The following LARS2 variants were observed in gnomAD, a reference collection of about 807,000 sequenced individuals.
LARS2 encodes leucyl-tRNA synthetase 2, mitochondrial.
In LARS2, 81 loss-of-function variants were observed where a neutral mutation model predicts 116.6. The ratio of observed to expected loss-of-function variants is 0.69; its 90% CI spans 0.58 to 0.84. The LOEUF is 0.84. Ranked by LOEUF, LARS2 falls within the 40% of genes least tolerant of loss-of-function variation. The probability of loss-of-function intolerance (pLI) is 0.00; values close to 1 mark genes in which losing one functional copy is unlikely to be tolerated. For synonymous variants in LARS2, 396 were observed against 407.2 expected (o/e 0.97, Z 0.33); for missense variants, 968 against 1,114.5 (o/e 0.87, Z 1.87).
intron 2 of LARS2, among the ~76,000 whole-genome samples, chr3:45,394,025 A>G (rs1698003002): frequency 6.6e-6 from 1 of 152,202 alleles, no homozygotes; most frequent in Non-Finnish European, 1.5e-5. Context: ...CTGATATTTG[A>G]GCCTAACGCC....
intron 20 of LARS2, among the ~76,000 whole-genome samples, chr3:45,539,403 G>C (rs1700757092): frequency 6.6e-6 from 1 of 152,198 alleles, no homozygotes; most frequent in Admixed American, 6.5e-5. Flanking sequence ...GGCTGAGGCA[G>C]GCGGATCGCT....
At chr3:45,491,460 A>G in intron 12 of LARS2, 57 bp from the exon 13 acceptor site, 1 of 1,566,098 alleles carries the variant, frequency 6.4e-7, no homozygotes, top group South Asian at 1.2e-5. Context: ...TGGCAGCATC[A>G]GGGTGGTGAC....
At chr3:45,421,241 T>G (rs1160308278) in intron 6 of LARS2, 2 of 152,210 alleles carry the variant, frequency 1.3e-5, no homozygotes, top group Non-Finnish European at 2.9e-5. Flanking sequence ...TCATAATTTA[T>G]TTCACTGTAA....
intron 9 of LARS2, among the ~76,000 whole-genome samples, chr3:45,475,378 A>G (rs1471297675): frequency 6.6e-6 from 1 of 152,224 alleles, no homozygotes; most frequent in Non-Finnish European, 1.5e-5. Context: ...GAAACATTTC[A>G]ATACAAATCC....
chr3:45,529,295 G>A (rs1211936878), intron 20 of LARS2, among the ~76,000 whole-genome samples: 2 of 152,040 alleles, frequency 1.3e-5, no homozygotes, highest in Admixed American at 6.5e-5. Flanking sequence ...CGCCGGGCAC[G>A]GTAGCTCACA....
At position 45,449,256 on chromosome 3, in the gene LARS2, G is replaced by A. The variant is rs537192528; in HGVS notation, c.606+2276G>A. ...CAGCTCACTGCAACCTCCGCCTCCC[G>A]GGTTCAAGCAATTCTCCTACCTCAG... On this transcript the variant is annotated intron_variant, in intron 7 of 21. Coordinates refer to ENST00000645846, the MANE Select transcript of LARS2 (RefSeq NM_015340.4). Among the ~76,000 whole-genome samples, 35 of 148,542 alleles carry A rather than the reference G, an allele frequency of 2.4e-4. 1 individual carries two copies. Among genetic ancestry groups the A allele is most frequent in the African/African-American group, 7.4e-4 (30 of 40,286 alleles).
At chr3:45,390,287 C>T (rs1045232927) in intron 1 of LARS2, among the ~76,000 whole-genome samples, 3 of 151,822 alleles carry the variant, frequency 2.0e-5, no homozygotes, top group Non-Finnish European at 2.9e-5. Context: ...TTGCTGTTTT[C>T]CTTTGCCCAT....
chr3:45,432,217 CTT>C (rs1698728953), intron 6 of LARS2, among the ~76,000 whole-genome samples: 1 of 152,070 alleles, frequency 6.6e-6, no homozygotes, highest in South Asian at 2.1e-4. Context: ...TAGTTGGAGA[CTT>C]TTGTACCCCA....
intron 6 of LARS2, among the ~76,000 whole-genome samples, chr3:45,427,562 G>A (rs773500695): frequency 3.3e-5 from 5 of 152,164 alleles, no homozygotes; most frequent in Non-Finnish European, 7.4e-5. Context: ...GTAATGTTTT[G>A]CAAATACAAG....
At chr3:45,500,863 T>C (rs1372689515) in intron 15 of LARS2, among the ~76,000 whole-genome samples, 1 of 152,068 alleles carries the variant, frequency 6.6e-6, no homozygotes, top group Admixed American at 6.5e-5. Context: ...GAGTGGCCCA[T>C]AGTGTTTTAT....
intron 19 of LARS2, among the ~76,000 whole-genome samples, chr3:45,523,781 G>A (rs564196694): frequency 6.6e-6 from 1 of 151,714 alleles, no homozygotes; most frequent in Non-Finnish European, 1.5e-5. Flanking sequence ...CCAAAGTAGT[G>A]GGAGTATAAG....
At chr3:45,500,366 A>G (rs1700098120) in intron 14 of LARS2, 76 bp from the exon 15 acceptor site, 2 of 1,380,994 alleles carry the variant, frequency 1.4e-6, no homozygotes, top group Non-Finnish European at 1.0e-6. Context: ...GCATATGCAT[A>G]TTACAATAGG....
At chr3:45,514,208 A>G (rs34058819) in intron 16 of LARS2, among the ~76,000 whole-genome samples, 40,453 of 151,688 alleles carry the variant, frequency 0.27, 5,723 homozygotes, top group Middle Eastern at 0.4. Flanking sequence ...TCTGTCTCAA[A>G]AAAAAAAAAG....
At chr3:45,435,947 C>G (rs1050097036) in intron 6 of LARS2, among the ~76,000 whole-genome samples, 4 of 147,226 alleles carry the variant, frequency 2.7e-5, no homozygotes, top group Non-Finnish European at 6.1e-5. Context: ...TCCCTCACCT[C>G]TGGTGAGATT....
intron 15 of LARS2, among the ~76,000 whole-genome samples, chr3:45,509,717 A>G (rs1270933573): frequency 6.6e-6 from 1 of 152,048 alleles, no homozygotes; most frequent in African/African-American, 2.4e-5. Context: ...CCAACTCCCT[A>G]TAGCCCATTC....
chr3:45,453,322 T>C (rs935215597), intron 7 of LARS2, among the ~76,000 whole-genome samples: 5 of 152,202 alleles, frequency 3.3e-5, no homozygotes, highest in African/African-American at 9.6e-5. Flanking sequence ...ATGGTACTTG[T>C]TGATTATCAG....
intron 11 of LARS2, 110 bp from the exon 12 acceptor site, chr3:45,488,587 A>G (rs777560907): frequency 1.4e-6 from 1 of 691,834 alleles, no homozygotes; most frequent in Non-Finnish European, 2.6e-6. Context: ...TTCTATAACT[A>G]AAAGAGATAG....
intron 15 of LARS2, among the ~76,000 whole-genome samples, chr3:45,504,348 A>G (rs1360973353): frequency 2.0e-5 from 3 of 152,192 alleles, no homozygotes; most frequent in Non-Finnish European, 2.9e-5. Flanking sequence ...TTTCATTACA[A>G]TGAAGCACAT....
chr3:45,414,095 A>T (rs1365033311), intron 4 of LARS2, among the ~76,000 whole-genome samples: 1 of 152,218 alleles, frequency 6.6e-6, no homozygotes, highest in Non-Finnish European at 1.5e-5. Context: ...AAATTTTTCT[A>T]AAGGAAATGT....
Sources: gnomAD v4.1 joint callset for allele counts (sites outside exome capture counted in the v4.1 genomes callset) on GRCh38, gnomAD v4.1.1 for gene constraint, MANE v1.5 for transcripts, NCBI Gene and HGNC (gene_info 2026-07-23, HGNC 2026-07-21) for gene names.